The following MDGA2 variants were observed in gnomAD, a reference collection of about 807,000 sequenced individuals.
MDGA2 encodes the protein MAM domain containing glycosylphosphatidylinositol anchor 2.
A neutral mutation model predicts 117.8 loss-of-function variants in MDGA2; 40 were observed. The ratio of observed to expected loss-of-function variants is 0.34; its 90% CI spans 0.26 to 0.44. The LOEUF is 0.44. Ranked by LOEUF, MDGA2 falls within the 20% of genes least tolerant of loss-of-function variation. The pLI is 1.00. For missense variants in MDGA2, 1,123 were observed against 1,250.6 expected, an observed-to-expected ratio of 0.90 and a Z score of 1.54; for synonymous variants, 452 against 439.0, an observed-to-expected ratio of 1.03 and a Z score of -0.37.
intron 1 of MDGA2, among the ~76,000 whole-genome samples, chr14:47,659,263 A>G (rs900243840): frequency 6.6e-6 from 1 of 152,074 alleles, no homozygotes; most frequent in African/African-American, 2.4e-5. Context: ...CTGCTTTACT[A>G]TTTTCATTAT....
intron 1 of MDGA2, among the ~76,000 whole-genome samples, chr14:47,641,364 T>C (rs191292378): frequency 9.2e-5 from 14 of 152,198 alleles, no homozygotes; most frequent in Middle Eastern, 3.4e-3. Flanking sequence ...CTGTGGACAA[T>C]TGTAATCCCT....
intron 1 of MDGA2, among the ~76,000 whole-genome samples, chr14:47,317,092 T>C (rs1432147801): frequency 1.3e-5 from 2 of 152,134 alleles, no homozygotes; most frequent in East Asian, 1.9e-4. Flanking sequence ...AGCAAATTAA[T>C]GGTTACACAT....
At chr14:47,562,951 T>C (rs1407513395) in intron 1 of MDGA2, among the ~76,000 whole-genome samples, 1 of 152,150 alleles carries the variant, frequency 6.6e-6, no homozygotes, top group Non-Finnish European at 1.5e-5. Flanking sequence ...TCATTAATTT[T>C]AAAGAATTTC....
Position 46,873,497 on chromosome 14 carries a change from A to G in MDGA2, c.2688T>C (p.Pro896=). 1 of 1,612,636 alleles carries G rather than the reference A, an allele frequency of 6.2e-7. No individual in the cohort carries two copies. Among genetic ancestry groups the G allele is most frequent in the South Asian group, 1.1e-5 (1 of 91,044 alleles). ...AATATGCAGTGTTTGTGGGTCCATA[A>G]GGGTTTTTGGGAGCTATGCTGAAAA... The part of the protein sequence containing the change: ...SPVFSIAPKN[P]YGPTNTAYCF... The change falls in exon 14 of 17, where the codon CCT becomes CCC. Residue 896 remains proline (P), a synonymous_variant. Transcript: ENST00000399232.
intron 2 of MDGA2, among the ~76,000 whole-genome samples, chr14:47,253,623 T>C (rs749689734): frequency 1.3e-5 from 2 of 152,174 alleles, no homozygotes; most frequent in Non-Finnish European, 2.9e-5. Context: ...GCTGCTTTCA[T>C]GGGCTGGTGT....
intron 4 of MDGA2, among the ~76,000 whole-genome samples, chr14:47,138,125 G>T (rs1188983698): frequency 6.6e-6 from 1 of 152,144 alleles, no homozygotes; most frequent in Admixed American, 6.6e-5. Context: ...TGCACACATA[G>T]ATTAATGTTA....
chr14:46,880,204 A>C (rs1046011290), intron 11 of MDGA2, among the ~76,000 whole-genome samples: 2 of 152,052 alleles, frequency 1.3e-5, no homozygotes, highest in African/African-American at 4.8e-5. Context: ...AAGTGCATGT[A>C]ATACCAGCTA....
At chr14:47,081,677 T>C (rs1198296372) in intron 6 of MDGA2, among the ~76,000 whole-genome samples, 1 of 152,182 alleles carries the variant, frequency 6.6e-6, no homozygotes. Context: ...CTGGTAAGTA[T>C]GAATGGTTCC....
chr14:46,854,152 G>C (rs181393005), intron 15 of MDGA2, among the ~76,000 whole-genome samples: 1 of 151,398 alleles, frequency 6.6e-6, no homozygotes, highest in Non-Finnish European at 1.5e-5. Flanking sequence ...AAACTGGCAC[G>C]ATTTTCTATA....
chr14:47,384,392 A>T (rs1380715428), intron 1 of MDGA2, among the ~76,000 whole-genome samples: 1 of 151,742 alleles, frequency 6.6e-6, no homozygotes, highest in African/African-American at 2.4e-5. Context: ...GTCTAGAACA[A>T]AAGTGAATGT....
intron 3 of MDGA2, among the ~76,000 whole-genome samples, chr14:47,185,710 G>C (rs954951338): frequency 6.6e-6 from 1 of 151,536 alleles, no homozygotes; most frequent in Middle Eastern, 3.4e-3. Context: ...AAAGGAGAAA[G>C]GACTTTTAGC....
At chr14:46,927,016 C>T (rs1418118412) in intron 9 of MDGA2, among the ~76,000 whole-genome samples, 1 of 152,132 alleles carries the variant, frequency 6.6e-6, no homozygotes, top group Non-Finnish European at 1.5e-5. Context: ...TCACTAGCGT[C>T]TCTAACTGAG....
At chr14:47,000,643 G>A (rs1368867716) in intron 8 of MDGA2, among the ~76,000 whole-genome samples, 2 of 150,954 alleles carry the variant, frequency 1.3e-5, no homozygotes, top group Non-Finnish European at 3.0e-5. Flanking sequence ...AGATCTTTTA[G>A]GCCTTTGTAA....
rs968659932 is a variant in MDGA2 at position 47,377,416 on chromosome 14, C to T, written c.281-75866G>A. Among the ~76,000 whole-genome samples the T allele has an allele frequency of 6.6e-5, 10 of 152,166 alleles. No individual in the cohort carries two copies. In the East Asian group the frequency reaches 9.7e-4, roughly 15 times the overall value. Reference sequence around the variant, plus strand: ...TGTGAGCCGAAGCAGGGTGGGGCATCGCCTCATCCGGGAAGTGTAAGGGGT... The same window carrying T: ...TGTGAGCCGAAGCAGGGTGGGGCATTGCCTCATCCGGGAAGTGTAAGGGGT... On this transcript the variant is annotated intron_variant, in intron 1 of 16. Coordinates refer to ENST00000399232, the MANE Select transcript of MDGA2 (RefSeq NM_001113498.3).
chr14:46,955,628 T>C (rs981869444), intron 9 of MDGA2, among the ~76,000 whole-genome samples: 1 of 151,920 alleles, frequency 6.6e-6, no homozygotes, highest in Admixed American at 6.6e-5. Flanking sequence ...ATCATAAACA[T>C]AGAATTTTAA....
chr14:47,314,996 G>C (rs570803087), intron 1 of MDGA2, among the ~76,000 whole-genome samples: 1 of 152,082 alleles, frequency 6.6e-6, no homozygotes, highest in Non-Finnish European at 1.5e-5. Context: ...TGTTAACAAT[G>C]ATGATGCTTG....
intron 1 of MDGA2, among the ~76,000 whole-genome samples, chr14:47,360,909 A>T (rs1428645136): frequency 6.6e-6 from 1 of 152,118 alleles, no homozygotes; most frequent in Non-Finnish European, 1.5e-5. Flanking sequence ...ATAAAAACAG[A>T]GTAACAAGTA....
intron 7 of MDGA2, among the ~76,000 whole-genome samples, chr14:47,038,424 TATA>T (rs1327950067): frequency 6.6e-6 from 1 of 152,196 alleles, no homozygotes; most frequent in Non-Finnish European, 1.5e-5. Context: ...GATTATTGAC[TATA>T]ATTTTTTTAA....
At position 47,140,137 on chromosome 14, in the gene MDGA2, G is replaced by C. The variant is rs142979571; in HGVS notation, c.792+3941C>G. Among the ~76,000 whole-genome samples, 397 of 151,966 alleles carry C rather than the reference G, an allele frequency of 2.6e-3. 2 individuals carry two copies. The highest frequency in any genetic ancestry group is 2.8e-3 in the Non-Finnish European group (189 of 67,874). On this transcript the variant is annotated intron_variant, in intron 4 of 16. Transcript: ENST00000399232. ...AATAAATTTAACCAAGGAGGGGAAA[G>C]ATGGATACAATTCAAACCATCAAAC... is the stretch of plus-strand genomic sequence containing the variant.
Sources: gnomAD v4.1 joint callset for allele counts (sites outside exome capture counted in the v4.1 genomes callset) on GRCh38, gnomAD v4.1.1 for gene constraint, MANE v1.5 for transcripts, NCBI Gene and HGNC (gene_info 2026-07-23, HGNC 2026-07-21) for gene names.